Variants in PKD2 observed in about 807,000 individuals in gnomAD.
The protein encoded by PKD2 is polycystin 2, transient receptor potential cation channel, also known as polycystin-2.
Under a neutral mutation model 105.9 loss-of-function variants are expected in PKD2, and 48 were observed. That is an observed-to-expected ratio of 0.45 (90% CI 0.36 to 0.58). The LOEUF (loss-of-function observed/expected upper bound fraction) is 0.58, where lower values mean the gene tolerates loss of function less well. Among genes scored for constraint, PKD2 ranks in the 20% least tolerant of loss-of-function variants. The pLI is 0.00. For missense variants in PKD2, 1,078 were observed against 1,255.3 expected (o/e 0.86, Z 2.13); for synonymous variants, 464 against 481.1 (o/e 0.96, Z 0.46).
At chr4:88,016,653 G>A (rs192085971) in intron 1 of PKD2, among the ~76,000 whole-genome samples, 5 of 152,216 alleles carry the variant, frequency 3.3e-5, no homozygotes, top group Admixed American at 2.6e-4. Context: ...AGTAGATAGA[G>A]TAATTTAGAA....
rs368920605 is a variant in PKD2, at chr4:88,046,915, C to A, written c.1548+45C>A. The A allele has an allele frequency of 1.3e-4, 140 of 1,092,584 alleles. 1 individual carries two copies. Among genetic ancestry groups the A allele is most frequent in the Admixed American group, 3.0e-4 (18 of 59,378 alleles). The allele number at this position is 1,092,584 out of a possible 1,614,324, so 67.7% of individuals were successfully genotyped here. ...CAAATTTCCTATTCTATTCTACAAG[C>A]ATGTTAACTAGAGTCTTTGATCTCC... On this transcript the variant is annotated intron_variant, in intron 6 of 14. Transcript: ENST00000237596.
rs1345144363 is a variant in PKD2, at chr4:88,051,993, G to A, written c.1551G>A (p.Leu517=). 6.4e-7 allele frequency: 1 copy of A among 1,561,360 alleles called. No individual in the cohort carries two copies. The highest frequency in any genetic ancestry group is 8.8e-7 in the Non-Finnish European group (1 of 1,133,000). Residue 517 remains leucine, a splice_region_variant and synonymous_variant, in exon 7 of 15, where the codon CTG becomes CTA. Transcript: ENST00000237596. The part of the protein sequence containing the change: ...WNCLDVVIVV[L]SVVAIGINIY... Reference sequence around the variant, plus strand: ...AATATAAATATTTTGCTTTTCAGCTGTCAGTGGTAGCTATAGGAATTAACA... The same window carrying A: ...AATATAAATATTTTGCTTTTCAGCTATCAGTGGTAGCTATAGGAATTAACA...
At chr4:88,058,738 G>T (rs4602466) in intron 9 of PKD2, among the ~76,000 whole-genome samples, 25,517 of 151,998 alleles carry the variant, frequency 0.17, 5,230 homozygotes, top group African/African-American at 0.49. Flanking sequence ...AATGGAAATT[G>T]CATTAAAATT....
intron 2 of PKD2, among the ~76,000 whole-genome samples, chr4:88,025,590 G>A (rs1726927690): frequency 6.6e-6 from 1 of 151,224 alleles, no homozygotes; most frequent in East Asian, 1.9e-4. Flanking sequence ...CTCCAGCCTG[G>A]GTGACAGAGC....
chr4:88,022,224 A>AT (rs1215533344), intron 2 of PKD2, among the ~76,000 whole-genome samples: 1 of 152,070 alleles, frequency 6.6e-6, no homozygotes, highest in Non-Finnish European at 1.5e-5. Flanking sequence ...GGATCTGCCC[A>AT]TTTTTCCATT....
chr4:88,031,610 AG>A (rs1295242669), intron 2 of PKD2, among the ~76,000 whole-genome samples: 2 of 152,194 alleles, frequency 1.3e-5, no homozygotes, highest in Admixed American at 6.5e-5. Context: ...AGGGTTATTA[AG>A]AGAGGGAAAA....
chr4:88,044,267 A>G (rs1727688268), intron 5 of PKD2, among the ~76,000 whole-genome samples: 1 of 152,224 alleles, frequency 6.6e-6, no homozygotes, highest in African/African-American at 2.4e-5. Flanking sequence ...AAGAAAAAGC[A>G]GAGCAAGAGG....
chr4:88,012,726 TCCCCACTCCCCCTTGC>T, intron 1 of PKD2, among the ~76,000 whole-genome samples: 1 of 152,100 alleles, frequency 6.6e-6, no homozygotes, highest in East Asian at 1.9e-4. Flanking sequence ...ACTCCCTGTT[TCCCCACTCCCCCTTGC>T]CCCAGACGCT....
At chr4:88,016,129 G>T (rs908012208) in intron 1 of PKD2, among the ~76,000 whole-genome samples, 13 of 152,280 alleles carry the variant, frequency 8.5e-5, no homozygotes, top group African/African-American at 3.1e-4. Context: ...CGGAGCTCGG[G>T]CGGTAATGCT....
rs374581874 is a variant in PKD2, at chr4:88,074,949, G to C, written c.2660G>C (p.Gly887Ala). 17 of 1,614,116 alleles carry C rather than the reference G, an allele frequency of 1.1e-5. No homozygotes were observed. The highest frequency in any genetic ancestry group is 1.1e-5 in the Non-Finnish European group (13 of 1,179,986). ...GAGGTGCTGGGAAGGCTGTTGGATG[G>C]GGTGGCCGAGGTCAGTAGTCATGAG... ...RREVLGRLLD[G>A]VAEDERLGRD... The change falls in exon 14 of 15, where the codon GGG becomes GCG. Residue 887 changes from glycine (G) to alanine (A), a missense_variant. Around this residue, in one of 2 missense-constraint regions of PKD2, gnomAD observed 868 missense variants for 1,067.3 expected, o/e 0.81. Coordinates refer to ENST00000237596, the MANE Select transcript of PKD2 (RefSeq NM_000297.4).
rs901696841 is a variant in PKD2 at position 88,019,625 on chromosome 4, A to C, written c.709+54A>C. 5 of 961,416 alleles carry C rather than the reference A, an allele frequency of 5.2e-6. No homozygotes were observed. The African/African-American group carries it at 8.1e-5, about 15-fold the overall frequency. The allele number at this position is 961,416 out of a possible 1,614,324, so 59.6% of individuals were successfully genotyped here. On this transcript the variant is annotated intron_variant, in intron 2 of 14. Transcript: ENST00000237596. The stretch of plus-strand genomic sequence containing the variant: ...GGAAAGTTTTGAAAAGATTTGACCT[A>C]TCCAAATCATAATTAAAAGGAAGTG...
chr4:88,020,941 C>T (rs910506786), intron 2 of PKD2, among the ~76,000 whole-genome samples: 3 of 152,086 alleles, frequency 2.0e-5, no homozygotes, highest in Non-Finnish European at 4.4e-5. Context: ...ATCCTCCTGC[C>T]TTGGAAGTTC....
intron 2 of PKD2, among the ~76,000 whole-genome samples, chr4:88,030,966 C>G (rs1301142846): frequency 1.3e-5 from 2 of 152,250 alleles, no homozygotes; most frequent in Non-Finnish European, 2.9e-5. Flanking sequence ...CATTTATATA[C>G]TGATGGTCCC....
At chr4:88,073,120 G>A (rs149151550) in intron 13 of PKD2, among the ~76,000 whole-genome samples, 1 of 151,144 alleles carries the variant, frequency 6.6e-6, no homozygotes, top group Non-Finnish European at 1.5e-5. Context: ...GGAGGCCAAG[G>A]CAGGAGTATC....
chr4:88,018,103 A>G (rs2110088008), intron 1 of PKD2, among the ~76,000 whole-genome samples: 1 of 152,304 alleles, frequency 6.6e-6, no homozygotes, highest in East Asian at 1.9e-4. Context: ...ATTTCTTCTG[A>G]GTGAGTAATT....
intron 7 of PKD2, among the ~76,000 whole-genome samples, chr4:88,054,199 G>A (rs1337418592): frequency 1.3e-5 from 2 of 151,690 alleles, no homozygotes; most frequent in Non-Finnish European, 2.9e-5. Flanking sequence ...TTTGAGACCA[G>A]CCTGGCCAAC....
rs528407564 is a variant in PKD2 at position 88,043,601 on chromosome 4, A to C, written c.1319+144A>C. 88 of 627,402 alleles carry C rather than the reference A, an allele frequency of 1.4e-4. 2 individuals are homozygous for C. The South Asian group carries it at 1.6e-3, about 12-fold the overall frequency. The allele number at this position is 627,402 out of a possible 1,614,324, so 38.9% of individuals were successfully genotyped here. On this transcript the variant is annotated intron_variant, in intron 5 of 14. Transcript: ENST00000237596. ...GACGGATAGCAAGGGAGGGGTAAAA[A>C]CTGAAGGCTTACCGAAATAAAGGAT...
chr4:88,054,205 C>G (rs1481251298), intron 7 of PKD2, among the ~76,000 whole-genome samples: 2 of 151,534 alleles, frequency 1.3e-5, no homozygotes, highest in African/African-American at 4.9e-5. Flanking sequence ...ACCAGCCTGG[C>G]CAACATGGTG....
chr4:88,037,855 G>A (rs995717313), intron 3 of PKD2, among the ~76,000 whole-genome samples: 2 of 149,150 alleles, frequency 1.3e-5, no homozygotes, highest in Admixed American at 1.3e-4. Flanking sequence ...AATCAAAACT[G>A]TAGCCTTTTC....
Sources: allele counts gnomAD v4.1 joint callset (sites outside exome capture counted in the v4.1 genomes callset), GRCh38; gene constraint gnomAD v4.1.1; regional missense constraint gnomAD v4.1.1; transcripts MANE v1.5; gene names NCBI Gene and HGNC (gene_info 2026-07-23, HGNC 2026-07-21).